CAMKMT: variants seen among roughly 807,000 people sequenced by gnomAD.
The protein encoded by CAMKMT is calmodulin-lysine N-methyltransferase.
Under a neutral mutation model 48.0 loss-of-function variants are expected in CAMKMT, and 53 were observed. That is an observed-to-expected ratio of 1.10 (90% confidence interval 0.89 to 1.39). The LOEUF (loss-of-function observed/expected upper bound fraction) is 1.39, where lower values mean the gene tolerates loss of function less well. Ranked by LOEUF, CAMKMT falls within the 40% of genes most tolerant of loss-of-function variation. CAMKMT has a pLI of 0.00. For synonymous variants in CAMKMT, 165 were observed against 152.3 expected (o/e 1.08, Z -0.61); for missense variants, 428 against 402.7 (o/e 1.06, Z -0.54).
chr2:44,494,029 A>C (rs888566774), intron 3 of CAMKMT, among the ~76,000 whole-genome samples: 1 of 152,212 alleles, frequency 6.6e-6, no homozygotes, highest in Admixed American at 6.5e-5. Flanking sequence ...ATAAACTTCA[A>C]ACAACATATG....
At chr2:44,701,880 GT>G (rs1178320868) in intron 3 of CAMKMT, among the ~76,000 whole-genome samples, 1 of 152,102 alleles carries the variant, frequency 6.6e-6, no homozygotes, top group Non-Finnish European at 1.5e-5. Context: ...TCCCATTGGT[GT>G]AAAATATCTG....
Position 44,517,172 on chromosome 2 carries a change from A to G in CAMKMT, c.376+126867A>G, listed in dbSNP as rs567218559. Among the ~76,000 whole-genome samples the G allele has an allele frequency of 2.8e-3, 421 of 152,344 alleles. 3 individuals are homozygous for G. Among genetic ancestry groups the G allele is most frequent in the Non-Finnish European group, 4.4e-3 (298 of 68,022 alleles). Reference sequence around the variant, plus strand: ...TTAAAAAAACAGGAACTATAACCACATTCTTTTAATAGCTAAAAGCATTTG... The same window carrying G: ...TTAAAAAAACAGGAACTATAACCACGTTCTTTTAATAGCTAAAAGCATTTG... On this transcript the variant is annotated intron_variant, in intron 3 of 10. Transcript: ENST00000378494.
chr2:44,686,710 C>T (rs537993426), intron 3 of CAMKMT, among the ~76,000 whole-genome samples: 3 of 152,296 alleles, frequency 2.0e-5, no homozygotes, highest in Non-Finnish European at 4.4e-5. Context: ...TGGAAATGAA[C>T]GCTCATTGGA....
At chr2:44,376,080 G>A (rs1285902275) in intron 2 of CAMKMT, among the ~76,000 whole-genome samples, 4 of 150,496 alleles carry the variant, frequency 2.7e-5, no homozygotes, top group South Asian at 2.2e-4. Flanking sequence ...GAGCCACCAC[G>A]CCCAGCCTGC....
intron 3 of CAMKMT, chr2:44,456,430 C>G (rs563648368): frequency 8.9e-7 from 1 of 1,122,138 alleles, no homozygotes; most frequent in Non-Finnish European, 1.2e-6. Flanking sequence ...TCTTTTAGCC[C>G]TCTTACCCTC....
chr2:44,550,493 G>A (rs1390256496), intron 3 of CAMKMT, among the ~76,000 whole-genome samples: 2 of 152,016 alleles, frequency 1.3e-5, no homozygotes, highest in African/African-American at 4.8e-5. Flanking sequence ...AAGATGAATA[G>A]TAAAGGAATT....
chr2:44,688,741 C>G (rs543965284), intron 3 of CAMKMT, among the ~76,000 whole-genome samples: 42 of 152,242 alleles, frequency 2.8e-4, no homozygotes, highest in African/African-American at 9.6e-4. Flanking sequence ...ATGATTCTTT[C>G]CTCAAGACCT....
chr2:44,364,531 C>A (rs1304848479), intron 1 of CAMKMT, among the ~76,000 whole-genome samples: 1 of 152,064 alleles, frequency 6.6e-6, no homozygotes, highest in African/African-American at 2.4e-5. Context: ...AATTTACATC[C>A]TCTGCACCTA....
intron 1 of CAMKMT, among the ~76,000 whole-genome samples, chr2:44,365,925 G>A (rs1311883683): frequency 1.3e-5 from 2 of 152,160 alleles, no homozygotes; most frequent in East Asian, 3.8e-4. Flanking sequence ...GCTTTTTCCT[G>A]GATTGGCTAA....
intron 10 of CAMKMT, among the ~76,000 whole-genome samples, chr2:44,769,137 A>C (rs1680992467): frequency 6.6e-6 from 1 of 152,142 alleles, no homozygotes; most frequent in Admixed American, 6.5e-5. Flanking sequence ...TAAAAAAAAA[A>C]AAAAAATCTA....
intron 3 of CAMKMT, among the ~76,000 whole-genome samples, chr2:44,538,992 GTGTGTGTGTGTA>G (rs1248323073): frequency 1.4e-5 from 2 of 141,224 alleles, no homozygotes; most frequent in Admixed American, 7.4e-5. Flanking sequence ...GTGTGTGTGT[GTGTGTGTGTGTA>G]TGTATATAAT....
chr2:44,497,977 G>T (rs907345294), intron 3 of CAMKMT, among the ~76,000 whole-genome samples: 1 of 152,082 alleles, frequency 6.6e-6, no homozygotes, highest in Non-Finnish European at 1.5e-5. Flanking sequence ...GACTGGAAAG[G>T]TTAGGTCATT....
chr2:44,410,487 A>G (rs770995467), intron 3 of CAMKMT, among the ~76,000 whole-genome samples: 23 of 151,088 alleles, frequency 1.5e-4, no homozygotes, highest in Non-Finnish European at 2.9e-4. Context: ...ATATTTTACA[A>G]GACTCTTTTT....
intron 7 of CAMKMT, among the ~76,000 whole-genome samples, chr2:44,740,499 G>C (rs1296167185): frequency 6.6e-6 from 1 of 152,198 alleles, no homozygotes; most frequent in African/African-American, 2.4e-5. Flanking sequence ...GAGGGGAATA[G>C]TGTCAGAATT....
intron 3 of CAMKMT, among the ~76,000 whole-genome samples, chr2:44,699,140 A>T (rs957523046): frequency 6.6e-6 from 1 of 152,178 alleles, no homozygotes; most frequent in Admixed American, 6.5e-5. Context: ...GTTAACACTG[A>T]TATTTTGACC....
At chr2:44,539,402 T>G (rs1666969044) in intron 3 of CAMKMT, among the ~76,000 whole-genome samples, 1 of 152,124 alleles carries the variant, frequency 6.6e-6, no homozygotes, top group African/African-American at 2.4e-5. Flanking sequence ...AGACATGATA[T>G]CCCTTTACTT....
At chr2:44,590,596 A>T (rs996389919) in intron 3 of CAMKMT, among the ~76,000 whole-genome samples, 2 of 151,832 alleles carry the variant, frequency 1.3e-5, no homozygotes, top group African/African-American at 2.4e-5. Flanking sequence ...CCACTTTTTG[A>T]TGGGGTTGTT....
At chr2:44,409,058 A>C (rs1682980541) in intron 3 of CAMKMT, among the ~76,000 whole-genome samples, 1 of 146,042 alleles carries the variant, frequency 6.8e-6, no homozygotes, top group Non-Finnish European at 1.5e-5. Flanking sequence ...TATATTTTTA[A>C]TTTTTAGTTG....
chr2:44,446,912 A>G (rs1667033516), intron 3 of CAMKMT, among the ~76,000 whole-genome samples: 1 of 152,170 alleles, frequency 6.6e-6, no homozygotes, highest in Non-Finnish European at 1.5e-5. Context: ...GTTATGATTT[A>G]CATTTGGGCT....
Sources: gnomAD v4.1 joint callset for allele counts (sites outside exome capture counted in the v4.1 genomes callset) on GRCh38, gnomAD v4.1.1 for gene constraint, MANE v1.5 for transcripts, NCBI Gene and HGNC (gene_info 2026-07-23, HGNC 2026-07-21) for gene names.